Variants in LTBP1 observed in about 807,000 individuals in gnomAD.
LTBP1 encodes latent transforming growth factor beta binding protein 1, also known as latent-transforming growth factor beta-binding protein 1.
Under a neutral mutation model 207.6 loss-of-function variants are expected in LTBP1, and 129 were observed. That is an observed-to-expected ratio of 0.62 (90% CI 0.54 to 0.72). LTBP1 has a LOEUF of 0.72. Among genes scored for constraint, LTBP1 ranks in the 30% least tolerant of loss-of-function variants. The pLI, the probability that LTBP1 is intolerant of heterozygous loss-of-function variation, is 0.00. For synonymous variants in LTBP1, 963 were observed against 833.7 expected (o/e 1.16, Z -2.67); for missense variants, 2,281 against 2,217.2 (o/e 1.03, Z -0.58).
At chr2:33,145,463 A>T (rs1005373372) in intron 5 of LTBP1, among the ~76,000 whole-genome samples, 1 of 152,226 alleles carries the variant, frequency 6.6e-6, no homozygotes, top group Non-Finnish European at 1.5e-5. Context: ...AGAGTTTACT[A>T]CAGTGAGGAA....
intron 9 of LTBP1, among the ~76,000 whole-genome samples, chr2:33,223,267 A>G (rs575099286): frequency 3.2e-4 from 49 of 152,338 alleles, no homozygotes; most frequent in Non-Finnish European, 5.6e-4. Context: ...TCAATTGTCT[A>G]TAGTGCATCT....
chr2:33,248,083 A>C (rs1381961590), intron 10 of LTBP1, among the ~76,000 whole-genome samples: 1 of 152,162 alleles, frequency 6.6e-6, no homozygotes, highest in Non-Finnish European at 1.5e-5. Flanking sequence ...ATCTCAGGTT[A>C]GGCCCCTAGC....
intron 18 of LTBP1, among the ~76,000 whole-genome samples, chr2:33,279,060 T>A (rs1242759703): frequency 6.6e-6 from 1 of 152,202 alleles, no homozygotes; most frequent in East Asian, 1.9e-4. Flanking sequence ...CTTTTTTTGT[T>A]TCTCTAGTTT....
chr2:33,276,028 T>A, intron 18 of LTBP1, 105 bp downstream of exon 18: 1 of 1,373,520 alleles, frequency 7.3e-7, no homozygotes. Flanking sequence ...GTGACACCAG[T>A]TTATCCAAGC....
intron 23 of LTBP1, among the ~76,000 whole-genome samples, chr2:33,311,243 CA>C (rs1404483978): frequency 6.6e-6 from 1 of 151,994 alleles, no homozygotes; most frequent in African/African-American, 2.4e-5. Flanking sequence ...TTTACTGATC[CA>C]AAGATTTAAA....
At chr2:33,346,208 C>T (rs2094698999) in intron 25 of LTBP1, among the ~76,000 whole-genome samples, 1 of 152,176 alleles carries the variant, frequency 6.6e-6, no homozygotes, top group African/African-American at 2.4e-5. Context: ...TGATGAGTAT[C>T]TATAGGAGTC....
intron 18 of LTBP1, among the ~76,000 whole-genome samples, chr2:33,277,810 T>TCTC (rs1491123330): frequency 9.4e-6 from 1 of 106,628 alleles, no homozygotes; most frequent in East Asian, 2.0e-4. Flanking sequence ...TCTCTCTTTC[T>TCTC]TTTTTTCTTT....
At chr2:33,160,936 T>C (rs1374546418) in intron 5 of LTBP1, among the ~76,000 whole-genome samples, 1 of 152,170 alleles carries the variant, frequency 6.6e-6, no homozygotes, top group Non-Finnish European at 1.5e-5. Flanking sequence ...TTGCCAGCAG[T>C]CCAGCAGTTA....
chr2:33,069,690 A>T lies in LTBP1; in HGVS notation c.864-40892A>T, dbSNP rs150427075. ...CTGCTCACAAAACAAAGTTGAAGAG[A>T]ACAAGAATGAACATCATGCAGTTTT... is the stretch of plus-strand genomic sequence containing the variant. On this transcript the variant is annotated intron_variant, in intron 3 of 33. Transcript: ENST00000404816. 3.3e-3 allele frequency among the ~76,000 whole-genome samples: 501 copies of T among 152,340 alleles called. 3 individuals carry two copies. The highest frequency in any genetic ancestry group is 0.012 in the African/African-American group (489 of 41,568).
At chr2:33,152,087 G>T (rs1464804535) in intron 5 of LTBP1, among the ~76,000 whole-genome samples, 3 of 152,032 alleles carry the variant, frequency 2.0e-5, no homozygotes, top group East Asian at 3.9e-4. Context: ...TTAAACTAAA[G>T]AACTTTTGCA....
At chr2:33,173,426 A>T (rs1306064356) in intron 5 of LTBP1, among the ~76,000 whole-genome samples, 1 of 152,224 alleles carries the variant, frequency 6.6e-6, no homozygotes, top group East Asian at 1.9e-4. Context: ...AAATTCCTTG[A>T]CACATACACC....
chr2:33,350,377 A>G (rs2094764285), intron 26 of LTBP1, among the ~76,000 whole-genome samples: 2 of 152,208 alleles, frequency 1.3e-5, no homozygotes, highest in Non-Finnish European at 2.9e-5. Flanking sequence ...GTCAGTATCC[A>G]GAAGAGCTTT....
chr2:32,996,627 C>T (rs1405486143), intron 2 of LTBP1, among the ~76,000 whole-genome samples: 2 of 152,112 alleles, frequency 1.3e-5, no homozygotes, highest in South Asian at 2.1e-4. Context: ...ACTAGAGGCA[C>T]GTGGAGCTTC....
chr2:33,257,471 C>T lies in LTBP1; in HGVS notation c.2355C>T (p.Thr785=), dbSNP rs374126052. Residue 785 remains threonine (T), a synonymous_variant, in exon 12 of 34, where the codon ACC becomes ACT. Transcript: ENST00000404816. The part of the protein sequence containing the change: ...PAKEEPVEAL[T]FSREHGPGVA... Reference sequence around the variant, plus strand: ...AGGAAGAGCCAGTGGAGGCCCTGACCTTCTCCCGGGAACACGGGCCAGGAG... The same window carrying T: ...AGGAAGAGCCAGTGGAGGCCCTGACTTTCTCCCGGGAACACGGGCCAGGAG... 1.9e-6 allele frequency: 3 copies of T among 1,613,932 alleles called. No individual in the cohort carries two copies. The African/African-American group carries it at 4.0e-5, about 22-fold the overall frequency.
intron 2 of LTBP1, among the ~76,000 whole-genome samples, chr2:32,969,175 A>G (rs528239262): frequency 6.7e-6 from 1 of 149,712 alleles, no homozygotes; most frequent in South Asian, 2.1e-4. Flanking sequence ...ATCCACCTGC[A>G]TCGGCCTCCC....
At chr2:33,132,581 T>G (rs2081876404) in intron 4 of LTBP1, among the ~76,000 whole-genome samples, 1 of 152,218 alleles carries the variant, frequency 6.6e-6, no homozygotes, top group Non-Finnish European at 1.5e-5. Context: ...GCCCTCGATT[T>G]AAAGTATTGA....
intron 31 of LTBP1, among the ~76,000 whole-genome samples, chr2:33,386,780 C>T (rs2095268949): frequency 6.6e-6 from 1 of 151,672 alleles, no homozygotes; most frequent in South Asian, 2.1e-4. Flanking sequence ...AACCACGATA[C>T]CACAATGGTG....
chr2:33,264,473 A>C (rs751231725), intron 15 of LTBP1, among the ~76,000 whole-genome samples: 4 of 152,180 alleles, frequency 2.6e-5, no homozygotes, highest in African/African-American at 4.8e-5. Context: ...AAAATGTTTT[A>C]TATTCTGAAA....
chr2:33,025,989 A>G (rs2075393913), intron 3 of LTBP1, among the ~76,000 whole-genome samples: 2 of 152,284 alleles, frequency 1.3e-5, no homozygotes, highest in South Asian at 4.1e-4. Flanking sequence ...TCCTTGAAGT[A>G]TGCCACCTCC....
Sources: allele counts gnomAD v4.1 joint callset (sites outside exome capture counted in the v4.1 genomes callset), GRCh38; gene constraint gnomAD v4.1.1; transcripts MANE v1.5; gene names NCBI Gene and HGNC (gene_info 2026-07-23, HGNC 2026-07-21).